RGS6: variants seen among roughly 807,000 people sequenced by gnomAD.
RGS6 encodes regulator of G protein signaling 6.
Under a neutral mutation model 78.5 loss-of-function variants are expected in RGS6, and 30 were observed. The observed-to-expected ratio is 0.38, with a 90% CI of 0.29 to 0.52. RGS6 has a LOEUF of 0.52. Among genes scored for constraint, RGS6 ranks in the 20% least tolerant of loss-of-function variants. RGS6 has a pLI of 0.85. For synonymous variants in RGS6, 206 were observed against 206.0 expected, an observed-to-expected ratio of 1.00 and a Z score of 0.00; for missense variants, 495 against 609.7, an observed-to-expected ratio of 0.81 and a Z score of 1.98.
intron 13 of RGS6, among the ~76,000 whole-genome samples, chr14:72,502,850 A>G (rs2096746675): frequency 6.6e-6 from 1 of 152,208 alleles, no homozygotes; most frequent in African/African-American, 2.4e-5. Flanking sequence ...TTCTTGAGGT[A>G]TTAAATAAAA....
chr14:71,870,510 T>C, the RGS6 span, among the ~76,000 whole-genome samples: 1 of 152,164 alleles, frequency 6.6e-6, no homozygotes, highest in Non-Finnish European at 1.5e-5. Flanking sequence ...TAAGAATTCA[T>C]CCAGAGCTAA....
chr14:72,627,142 T>C, the RGS6 span, among the ~76,000 whole-genome samples: 1 of 152,112 alleles, frequency 6.6e-6, no homozygotes, highest in Non-Finnish European at 1.5e-5. Flanking sequence ...TTTTTGACTA[T>C]GCAAAATGTT....
At chr14:72,230,148 C>T (rs535141319) in intron 2 of RGS6, among the ~76,000 whole-genome samples, 27 of 152,248 alleles carry the variant, frequency 1.8e-4, no homozygotes, top group Non-Finnish European at 3.1e-4. Context: ...GAGATATTGA[C>T]GGGATGGGCT....
the RGS6 span, among the ~76,000 whole-genome samples, chr14:71,869,243 C>A: frequency 2.6e-5 from 4 of 152,292 alleles, no homozygotes; most frequent in South Asian, 6.2e-4. Flanking sequence ...ATTGGCTTAA[C>A]CTTGTGAGTG....
rs557002319 is a variant in RGS6 at position 72,547,454 on chromosome 14, T to TC, written c.1422+7360_1422+7361insC. Reference sequence around the variant, plus strand: ...GGGATGCTTCCCCCTTTTAAAATAGTGATGAGTGTCCCTGGTTTGAGTTGA... The same window carrying TC: ...GGGATGCTTCCCCCTTTTAAAATAGTCGATGAGTGTCCCTGGTTTGAGTTGA... On this transcript the variant is annotated intron_variant, in intron 17 of 17. Transcript: ENST00000553525. 593 of 801,976 alleles carry TC rather than the reference T, an allele frequency of 7.4e-4. 5 individuals are homozygous for TC. In the African/African-American group the frequency reaches 9.9e-3, roughly 13 times the overall value. The allele number at this position is 801,976 out of a possible 1,614,324, so 49.7% of individuals were successfully genotyped here. A position where few individuals can be genotyped will look rare whatever the true frequency, so the allele number is the denominator to read the frequency against.
intron 2 of RGS6, among the ~76,000 whole-genome samples, chr14:72,315,103 T>G (rs1370364558): frequency 6.6e-6 from 1 of 152,122 alleles, no homozygotes. Flanking sequence ...AGTAATTTAT[T>G]AAACTCACTT....
At chr14:71,877,473 A>G in the RGS6 span, among the ~76,000 whole-genome samples, 1 of 152,186 alleles carries the variant, frequency 6.6e-6, no homozygotes, top group Non-Finnish European at 1.5e-5. Context: ...TGAATCGACT[A>G]CTGAAGCTTG....
chr14:71,928,491 T>TC (rs1566850067), upstream of RGS6, among the ~76,000 whole-genome samples: 1 of 152,134 alleles, frequency 6.6e-6, no homozygotes, highest in African/African-American at 2.4e-5. Flanking sequence ...CTCATTATCC[T>TC]CCCCAAAGCC....
At chr14:71,936,041 TGTA>T (rs1444394471) in intron 1 of RGS6, among the ~76,000 whole-genome samples, 8,106 of 127,582 alleles carry the variant, frequency 0.064, 420 homozygotes, top group East Asian at 0.19. Context: ...TATATATATA[TGTA>T]CATATATATC....
At chr14:71,914,956 T>C in the RGS6 span, among the ~76,000 whole-genome samples, 455 of 151,914 alleles carry the variant, frequency 3.0e-3, 3 homozygotes, top group Middle Eastern at 0.02. Flanking sequence ...TGGAGAAGAC[T>C]TCAAGATTCA....
chr14:72,297,645 A>G (rs989314587), intron 2 of RGS6, among the ~76,000 whole-genome samples: 6 of 136,628 alleles, frequency 4.4e-5, no homozygotes, highest in East Asian at 2.3e-4. Context: ...TCATTGTTCA[A>G]TTCCCACCTA....
intron 2 of RGS6, among the ~76,000 whole-genome samples, chr14:71,976,755 A>C (rs2094153575): frequency 6.6e-6 from 1 of 151,894 alleles, no homozygotes; most frequent in Non-Finnish European, 1.5e-5. Flanking sequence ...AGCATGATTT[A>C]TAGTCCTTTG....
At chr14:72,458,402 G>A (rs757487496) in intron 5 of RGS6, 25 bp downstream of exon 5, 2 of 1,545,004 alleles carry the variant, frequency 1.3e-6, no homozygotes, top group East Asian at 2.2e-5. Flanking sequence ...TCCTCCTCCT[G>A]AAGAACCTTT....
rs112624946 is a variant in RGS6 at position 71,936,544 on chromosome 14, A to G, written c.-21+3603A>G. 9.1e-3 allele frequency among the ~76,000 whole-genome samples: 1,390 copies of G among 152,304 alleles called. 19 individuals are homozygous for G. The highest frequency in any genetic ancestry group is 0.032 in the African/African-American group (1,324 of 41,562). On this transcript the variant is annotated intron_variant, in intron 1 of 17. Coordinates refer to ENST00000553525, the MANE Select transcript of RGS6 (RefSeq NM_001204424.2). Reference sequence around the variant, plus strand: ...GCCCACCCCTTGTCAACTTGAACCCATACATATCTCCTGAGATCATACATA... The same window carrying G: ...GCCCACCCCTTGTCAACTTGAACCCGTACATATCTCCTGAGATCATACATA...
chr14:72,549,651 C>G (rs1399165546), intron 17 of RGS6, among the ~76,000 whole-genome samples: 3 of 152,174 alleles, frequency 2.0e-5, no homozygotes, highest in Non-Finnish European at 4.4e-5. Context: ...CACCTGAGGT[C>G]AGGCGTTCAA....
intron 2 of RGS6, among the ~76,000 whole-genome samples, chr14:72,288,200 A>G (rs2152307142): frequency 6.6e-6 from 1 of 152,352 alleles, no homozygotes; most frequent in East Asian, 1.9e-4. Context: ...AGAATTTGCC[A>G]GTGAATCCAT....
At chr14:72,200,326 C>A (rs1041439230) in intron 2 of RGS6, among the ~76,000 whole-genome samples, 5 of 152,220 alleles carry the variant, frequency 3.3e-5, no homozygotes, top group Non-Finnish European at 5.9e-5. Context: ...CCCTGCTTTT[C>A]GGAACCCGCT....
intron 2 of RGS6, among the ~76,000 whole-genome samples, chr14:72,238,141 C>T (rs2051655200): frequency 6.6e-6 from 1 of 152,188 alleles, no homozygotes; most frequent in Non-Finnish European, 1.5e-5. Context: ...TGAGGAGGCT[C>T]TTCTCCAAAG....
At chr14:72,419,220 A>G (rs935926049) in intron 3 of RGS6, among the ~76,000 whole-genome samples, 2 of 152,276 alleles carry the variant, frequency 1.3e-5, no homozygotes, top group African/African-American at 4.8e-5. Flanking sequence ...ATTTAAAGCT[A>G]GTAGCATTTT....
Sources: allele counts gnomAD v4.1 joint callset (sites outside exome capture counted in the v4.1 genomes callset), GRCh38; gene constraint gnomAD v4.1.1; transcripts MANE v1.5; gene names NCBI Gene and HGNC (gene_info 2026-07-23, HGNC 2026-07-21).